CYP39A1: variants seen among roughly 807,000 people sequenced by gnomAD.
The protein encoded by CYP39A1 is cytochrome P450 family 39 subfamily A member 1.
A neutral mutation model predicts 58.1 loss-of-function variants in CYP39A1; 49 were observed. The observed-to-expected ratio is 0.84, with a 90% CI of 0.67 to 1.07. The LOEUF (loss-of-function observed/expected upper bound fraction) is 1.07, where lower values mean the gene tolerates loss of function less well. Among genes scored for constraint, CYP39A1 ranks in the 50% least tolerant of loss-of-function variants. CYP39A1 has a pLI of 0.00. For missense variants in CYP39A1, 531 were observed against 539.4 expected (o/e 0.98, Z 0.16); for synonymous variants, 209 against 187.6 (o/e 1.11, Z -0.93).
chr6:46,565,507 G>A (rs1448633657), intron 10 of CYP39A1, among the ~76,000 whole-genome samples: 2 of 151,742 alleles, frequency 1.3e-5, no homozygotes, highest in Non-Finnish European at 2.9e-5. Context: ...AAGAAAATGG[G>A]AAATAAATAA....
chr6:46,549,821 C>G lies in CYP39A1; in HGVS notation c.*545G>C, dbSNP rs1770297074. ...TCCTGTCCTCACAGGTCTCAGAAAACTACCATTTTATTACTTTTAGCATTA... is the reference window on the plus strand; with the variant it reads ...TCCTGTCCTCACAGGTCTCAGAAAAGTACCATTTTATTACTTTTAGCATTA... On this transcript the variant is annotated 3_prime_UTR_variant, in exon 12 of 12. Transcript: ENST00000275016. 6.6e-6 allele frequency: 1 copy of G among 152,248 alleles called. No individual in the cohort carries two copies. Among genetic ancestry groups the G allele is most frequent in the South Asian group, 2.1e-4 (1 of 4,828 alleles). 9.4% of individuals were successfully genotyped at this position (152,248 alleles called of 1,614,324 possible).
Position 46,652,670 on chromosome 6 carries a change from G to T in CYP39A1, c.-88C>A. ...TTTTCTGTGGGCTACGGAACCTGTC[G>T]GGACTCCCAACCTTTCTGCTGCAAC... On this transcript the variant is annotated 5_prime_UTR_variant, in exon 1 of 12. Coordinates refer to ENST00000275016, the MANE Select transcript of CYP39A1 (RefSeq NM_016593.5). 1.6e-6 allele frequency: 2 copies of T among 1,281,438 alleles called. No homozygotes were observed. Among genetic ancestry groups the T allele is most frequent in the South Asian group, 1.7e-5 (1 of 59,320 alleles). The allele number at this position is 1,281,438 out of a possible 1,614,324, so 79.4% of individuals were successfully genotyped here.
At chr6:46,569,962 G>T (rs1771492359) in intron 10 of CYP39A1, among the ~76,000 whole-genome samples, 1 of 152,032 alleles carries the variant, frequency 6.6e-6, no homozygotes, top group South Asian at 2.1e-4. Context: ...TAAATGTTCA[G>T]TAAAATTCAG....
intron 9 of CYP39A1, among the ~76,000 whole-genome samples, chr6:46,587,560 T>C (rs780330302): frequency 2.0e-5 from 3 of 152,176 alleles, no homozygotes; most frequent in Non-Finnish European, 4.4e-5. Flanking sequence ...TGCATCTGGA[T>C]GCCATTTTTG....
intron 6 of CYP39A1, among the ~76,000 whole-genome samples, chr6:46,629,250 C>T (rs935073727): frequency 3.3e-5 from 5 of 152,138 alleles, no homozygotes; most frequent in African/African-American, 1.2e-4. Flanking sequence ...TCCAAAGAAC[C>T]GACTTCCCCT....
chr6:46,650,370 G>C (rs1266186628), intron 1 of CYP39A1, among the ~76,000 whole-genome samples: 1 of 99,830 alleles, frequency 1.0e-5, no homozygotes, highest in African/African-American at 4.5e-5. Context: ...CACCAAAGGT[G>C]GGAGCACTCT....
chr6:46,557,643 T>TAA (rs71721488), intron 10 of CYP39A1, among the ~76,000 whole-genome samples: 26,143 of 137,694 alleles, frequency 0.19, 4,820 homozygotes, highest in African/African-American at 0.47. Flanking sequence ...ACTCTGTCTT[T>TAA]AAAAAAAAAA....
In CYP39A1 at chr6:46,581,192, G is replaced by C. The variant is rs538711234; in HGVS notation, c.1250+5885C>G. On this transcript the variant is annotated intron_variant, in intron 10 of 11. Coordinates refer to ENST00000275016, the MANE Select transcript of CYP39A1 (RefSeq NM_016593.5). ...GGAGGCCAAGGTGGGAGAATTGCTT[G>C]AGCTCAGGAGTTCAAGACTAGCCTA... Among the ~76,000 whole-genome samples the C allele has an allele frequency of 4.0e-4, 61 of 152,266 alleles. 4 individuals are homozygous for C. The South Asian group carries it at 0.012, about 31-fold the overall frequency.
At chr6:46,563,643 G>A (rs1771100012) in intron 10 of CYP39A1, among the ~76,000 whole-genome samples, 1 of 152,126 alleles carries the variant, frequency 6.6e-6, no homozygotes, top group Non-Finnish European at 1.5e-5. Context: ...AGTCTGGAGA[G>A]CACTCTACAA....
chr6:46,609,327 C>T (rs990742070), intron 7 of CYP39A1, among the ~76,000 whole-genome samples: 15 of 150,868 alleles, frequency 9.9e-5, no homozygotes, highest in Admixed American at 5.9e-4. Flanking sequence ...GGCGTGAACC[C>T]GGGAGGCGGA....
chr6:46,643,115 A>T (rs1161378372), intron 1 of CYP39A1, among the ~76,000 whole-genome samples: 1 of 152,170 alleles, frequency 6.6e-6, no homozygotes, highest in Non-Finnish European at 1.5e-5. Flanking sequence ...AACATACTGT[A>T]GCACAGGGTT....
chr6:46,594,054 A>G (rs909671252), intron 8 of CYP39A1, among the ~76,000 whole-genome samples: 1 of 152,140 alleles, frequency 6.6e-6, no homozygotes, highest in Non-Finnish European at 1.5e-5. Context: ...TAAGAAATTC[A>G]TGTTGGTTGA....
chr6:46,652,046 A>G (rs1375607695), intron 1 of CYP39A1, among the ~76,000 whole-genome samples: 2 of 152,236 alleles, frequency 1.3e-5, no homozygotes, highest in Non-Finnish European at 2.9e-5. Flanking sequence ...TTGGATACGA[A>G]TTACTCATTT....
At chr6:46,612,892 C>A (rs570245367) in intron 7 of CYP39A1, among the ~76,000 whole-genome samples, 1 of 152,292 alleles carries the variant, frequency 6.6e-6, no homozygotes, top group East Asian at 1.9e-4. Context: ...AGCTTAAGTT[C>A]ACTGAAGGGA....
chr6:46,589,598 G>T (rs1425055914), intron 8 of CYP39A1, among the ~76,000 whole-genome samples: 7 of 152,068 alleles, frequency 4.6e-5, no homozygotes, highest in Non-Finnish European at 2.9e-5. Flanking sequence ...AGAACTGGGA[G>T]AGCTGGAGAG....
At chr6:46,639,412 T>C (rs1274601265) in intron 3 of CYP39A1, 82 bp downstream of exon 3, 3 of 1,293,296 alleles carry the variant, frequency 2.3e-6, no homozygotes, top group Non-Finnish European at 3.3e-6. Flanking sequence ...AACCTGACAA[T>C]GTTTGAAGTC....
intron 7 of CYP39A1, among the ~76,000 whole-genome samples, chr6:46,617,957 A>G (rs1216741971): frequency 6.6e-6 from 1 of 152,196 alleles, no homozygotes; most frequent in African/African-American, 2.4e-5. Context: ...CAGCCAATTC[A>G]TATGAAAGTA....
intron 7 of CYP39A1, among the ~76,000 whole-genome samples, chr6:46,606,658 A>C (rs1773862783): frequency 6.6e-6 from 1 of 152,206 alleles, no homozygotes; most frequent in South Asian, 2.1e-4. Context: ...AAACATGATG[A>C]AGGCAAACCT....
At position 46,564,183 on chromosome 6, in the gene CYP39A1, CTATTT is replaced by C. The variant is rs1276171636; in HGVS notation, c.1251-10334_1251-10330del. On this transcript the variant is annotated intron_variant, in intron 10 of 11. Transcript: ENST00000275016. ...TTATTCTATTTTATTCTATTTTATT[CTATTT>C]TATTTTATTTTATTTTATTTTAAGA... Among the ~76,000 whole-genome samples, 12 of 82,096 alleles carry C rather than the reference CTATTT, an allele frequency of 1.5e-4. No individual in the cohort carries two copies. In the South Asian group the frequency reaches 2.1e-3, roughly 14 times the overall value. 53.9% of individuals were successfully genotyped at this position (82,096 alleles called of 152,430 possible).
Sources: allele counts gnomAD v4.1 joint callset (sites outside exome capture counted in the v4.1 genomes callset), GRCh38; gene constraint gnomAD v4.1.1; transcripts MANE v1.5; gene names NCBI Gene and HGNC (gene_info 2026-07-23, HGNC 2026-07-21).